The following ELP3 variants were observed in gnomAD, a reference collection of about 807,000 sequenced individuals.
ELP3 encodes elongator complex protein 3.
Under a neutral mutation model 74.9 loss-of-function variants are expected in ELP3, and 56 were observed. The ratio of observed to expected loss-of-function variants is 0.75; its 90% CI spans 0.60 to 0.93. ELP3 has a LOEUF of 0.93. Ranked by LOEUF, ELP3 falls within the 40% of genes least tolerant of loss-of-function variation. The pLI, the probability that ELP3 is intolerant of heterozygous loss-of-function variation, is 0.00. For missense variants in ELP3, 573 were observed against 686.5 expected, an observed-to-expected ratio of 0.83 and a Z score of 1.85; for synonymous variants, 222 against 239.8, an observed-to-expected ratio of 0.93 and a Z score of 0.68.
chr8:28,161,977 C>A lies in ELP3; in HGVS notation c.1486-20C>A. 1 of 1,613,138 alleles carries A rather than the reference C, an allele frequency of 6.2e-7. No individual in the cohort carries two copies. On this transcript the variant is annotated intron_variant, in intron 13 of 14. Transcript: ENST00000256398. ...CTTCCTTCCTTTTTAATTCCCACTCCCCATTGTTGCTCCGTGCAGGGATTT... is the reference window on the plus strand; with the variant it reads ...CTTCCTTCCTTTTTAATTCCCACTCACCATTGTTGCTCCGTGCAGGGATTT...
chr8:28,092,977 T>C (rs1290677134), upstream of ELP3: 2 of 659,546 alleles, frequency 3.0e-6, no homozygotes, highest in Non-Finnish European at 5.4e-6. Flanking sequence ...CCATCCTCCA[T>C]CCCTGAGACC....
chr8:28,157,532 CT>C (rs1464121332), intron 11 of ELP3, among the ~76,000 whole-genome samples: 3 of 152,110 alleles, frequency 2.0e-5, no homozygotes, highest in Non-Finnish European at 4.4e-5. Flanking sequence ...GTGGAAGTAG[CT>C]TTAGTTTTCT....
At chr8:28,094,672 GT>G (rs1811183566) in intron 1 of ELP3, among the ~76,000 whole-genome samples, 1 of 152,072 alleles carries the variant, frequency 6.6e-6, no homozygotes, top group Non-Finnish European at 1.5e-5. Context: ...AACCTGGGAG[GT>G]GGAGGTTGCA....
intron 7 of ELP3, among the ~76,000 whole-genome samples, chr8:28,125,066 T>A (rs1563260390): frequency 3.3e-5 from 5 of 152,168 alleles, no homozygotes; most frequent in Admixed American, 3.3e-4. Context: ...CTTCAAATTT[T>A]ATTGAGGTAT....
intron 7 of ELP3, among the ~76,000 whole-genome samples, chr8:28,116,957 A>G (rs1170346788): frequency 1.3e-5 from 2 of 152,186 alleles, no homozygotes; most frequent in Non-Finnish European, 2.9e-5. Context: ...AGGTTCTCTC[A>G]GAGGGTTGCT....
At chr8:28,093,294 A>C in intron 1 of ELP3, 61 bp downstream of exon 1, 1 of 1,602,006 alleles carries the variant, frequency 6.2e-7, no homozygotes, top group Non-Finnish European at 8.5e-7. Context: ...CGCCCAGGCA[A>C]TCAAATGCTG....
chr8:28,123,954 T>A (rs1028397880), intron 7 of ELP3, among the ~76,000 whole-genome samples: 12 of 152,030 alleles, frequency 7.9e-5, no homozygotes, highest in African/African-American at 2.4e-4. Flanking sequence ...TTTTTTTTTT[T>A]ATCCATTTTG....
intron 3 of ELP3, among the ~76,000 whole-genome samples, chr8:28,100,785 C>A (rs1481020936): frequency 6.6e-6 from 1 of 152,130 alleles, no homozygotes; most frequent in Non-Finnish European, 1.5e-5. Context: ...TGTCAGTATG[C>A]AGTGTTAAGG....
intron 9 of ELP3, among the ~76,000 whole-genome samples, chr8:28,134,772 A>G (rs569726718): frequency 6.6e-6 from 1 of 152,236 alleles, no homozygotes; most frequent in African/African-American, 2.4e-5. Context: ...ATCTCTCTGA[A>G]GAAATTTATT....
chr8:28,099,875 G>C lies in ELP3; in HGVS notation c.167G>C (p.Arg56Pro). 1 of 1,614,166 alleles carries C rather than the reference G, an allele frequency of 6.2e-7. No individual in the cohort carries two copies. The highest frequency in any genetic ancestry group is 8.5e-7 in the Non-Finnish European group (1 of 1,180,032). ...AAKYGLSAQPRLVDIIAAVPP... is the reference protein window; with the variant it reads ...AAKYGLSAQPPLVDIIAAVPP... ...AAATATGGCCTTTCTGCCCAGCCCC[G>C]CCTGGTGGATATCATTGCTGCCGTC... is the stretch of plus-strand genomic sequence containing the variant. Residue 56 changes from arginine to proline, a missense_variant, in exon 3 of 15, where the codon CGC (arginine) becomes CCC (proline). By Grantham distance (103) the Arg-to-Pro change is moderately radical. Coordinates refer to ENST00000256398, the MANE Select transcript of ELP3 (RefSeq NM_018091.6).
intron 7 of ELP3, among the ~76,000 whole-genome samples, chr8:28,123,198 A>G (rs993084698): frequency 6.6e-6 from 1 of 152,194 alleles, no homozygotes; most frequent in Non-Finnish European, 1.5e-5. Context: ...AATCCCACAC[A>G]TTTTGATATG....
At chr8:28,170,823 T>G (rs1354600308) in intron 14 of ELP3, among the ~76,000 whole-genome samples, 1 of 152,154 alleles carries the variant, frequency 6.6e-6, no homozygotes, top group Non-Finnish European at 1.5e-5. Flanking sequence ...ACCATCACCA[T>G]TATTTCTAAA....
chr8:28,132,704 T>TA (rs1407278674), intron 9 of ELP3, among the ~76,000 whole-genome samples: 23 of 152,328 alleles, frequency 1.5e-4, no homozygotes, highest in African/African-American at 5.1e-4. Context: ...ATTATTGTAA[T>TA]AGTTTTTTCA....
intron 12 of ELP3, 43 bp from the exon 13 acceptor site, chr8:28,160,186 C>G: frequency 6.4e-7 from 1 of 1,561,304 alleles, no homozygotes; most frequent in Middle Eastern, 1.7e-4. Flanking sequence ...GAATTTGGTT[C>G]TTTAATTTTG....
chr8:28,106,032 A>G (rs1811673031), intron 3 of ELP3, among the ~76,000 whole-genome samples: 1 of 152,238 alleles, frequency 6.6e-6, no homozygotes, highest in Admixed American at 6.5e-5. Context: ...AATTTCATAG[A>G]ATTGCTTAAA....
At chr8:28,138,793 C>T (rs1246082905) in intron 10 of ELP3, among the ~76,000 whole-genome samples, 3 of 152,232 alleles carry the variant, frequency 2.0e-5, no homozygotes, top group Non-Finnish European at 4.4e-5. Context: ...TTACATGATA[C>T]TTCTGCTGCA....
intron 11 of ELP3, among the ~76,000 whole-genome samples, chr8:28,156,331 T>A (rs1041696929): frequency 7.2e-5 from 11 of 152,206 alleles, no homozygotes; most frequent in Non-Finnish European, 1.2e-4. Context: ...AGTTATTGAC[T>A]GAAGGAAAAG....
intron 14 of ELP3, among the ~76,000 whole-genome samples, chr8:28,182,338 T>C (rs947172606): frequency 2.0e-5 from 3 of 152,172 alleles, no homozygotes; most frequent in African/African-American, 7.2e-5. Context: ...GGCACATGGA[T>C]TGCCTGAGGT....
At position 28,147,992 on chromosome 8, in the gene ELP3, A is replaced by G. The variant is rs1419721230; in HGVS notation, c.1101-7950A>G. Among the ~76,000 whole-genome samples the G allele has an allele frequency of 2.0e-5, 3 of 152,224 alleles. No homozygotes were observed. Among genetic ancestry groups the G allele is most frequent in the African/African-American group, 7.2e-5 (3 of 41,456 alleles). ...TAATATTAGTTAAAAACTTGTATAA[A>G]ATAGGAATCCATAAGTTTGTACTGA... On this transcript the variant is annotated intron_variant, in intron 10 of 14. Coordinates refer to ENST00000256398, the MANE Select transcript of ELP3 (RefSeq NM_018091.6). The surrounding 1 kb of genome is among the most constrained non-coding windows in gnomAD (Gnocchi z 4.5).
Sources: allele counts gnomAD v4.1 joint callset (sites outside exome capture counted in the v4.1 genomes callset), GRCh38; gene constraint gnomAD v4.1.1; non-coding constraint Gnocchi (gnomAD v3.1); transcripts MANE v1.5; gene names NCBI Gene and HGNC (gene_info 2026-07-23, HGNC 2026-07-21).